The following CPEB1 variants were observed in gnomAD, a reference collection of about 807,000 sequenced individuals.
CPEB1 encodes the protein cytoplasmic polyadenylation element-binding protein 1.
Under a neutral mutation model 65.8 loss-of-function variants are expected in CPEB1, and 7 were observed. That is an observed-to-expected ratio of 0.11 (90% CI 0.06 to 0.20). The LOEUF (loss-of-function observed/expected upper bound fraction) is 0.20. Among genes scored for constraint, CPEB1 ranks in the 10% least tolerant of loss-of-function variants. The probability of loss-of-function intolerance (pLI) is 1.00; values close to 1 mark genes in which losing one functional copy is unlikely to be tolerated. For synonymous variants in CPEB1, 262 were observed against 260.0 expected (o/e 1.01, Z -0.08); for missense variants, 551 against 712.2 (o/e 0.77, Z 2.58).
chr15:82,565,873 G>A (rs780779014), intron 4 of CPEB1, among the ~76,000 whole-genome samples: 14 of 152,204 alleles, frequency 9.2e-5, no homozygotes, highest in Non-Finnish European at 1.9e-4. Flanking sequence ...GCTCTTCCTA[G>A]AACAGACGTA....
intron 3 of CPEB1, among the ~76,000 whole-genome samples, chr15:82,579,244 T>C (rs1349691207): frequency 6.6e-6 from 1 of 152,140 alleles, no homozygotes; most frequent in Non-Finnish European, 1.5e-5. Context: ...GGAAGATCAC[T>C]TGAGCCCAGG....
chr15:82,544,810 A>G, intron 12 of CPEB1, 108 bp from the exon 13 acceptor site: 2 of 801,096 alleles, frequency 2.5e-6, no homozygotes, highest in Non-Finnish European at 4.2e-6. Flanking sequence ...GAGACTCCCG[A>G]TGGCCTCTGT....
At chr15:82,627,388 A>T (rs1452402194) in intron 2 of CPEB1, 21 bp from the exon 3 acceptor site, 1 of 1,585,530 alleles carries the variant, frequency 6.3e-7, no homozygotes, top group African/African-American at 1.4e-5. Context: ...AAAAAAAAAG[A>T]TATTTAGGTT....
intron 3 of CPEB1, among the ~76,000 whole-genome samples, chr15:82,612,495 CAA>C (rs371701761): frequency 1.9e-5 from 1 of 52,044 alleles, no homozygotes; most frequent in African/African-American, 7.7e-5. Flanking sequence ...AGAGTCTGTC[CAA>C]AAAAAAAAAA....
intron 3 of CPEB1, among the ~76,000 whole-genome samples, chr15:82,614,236 C>G (rs2044471494): frequency 6.6e-6 from 1 of 152,152 alleles, no homozygotes; most frequent in South Asian, 2.1e-4. Context: ...AACTCCTGGG[C>G]TCAAGTGACC....
chr15:82,604,480 C>A (rs1351119412), intron 3 of CPEB1, among the ~76,000 whole-genome samples: 1 of 139,948 alleles, frequency 7.1e-6, no homozygotes, highest in Admixed American at 7.4e-5. Flanking sequence ...AGCAAGACTC[C>A]ATCTCAAAAA....
chr15:82,627,686 G>A (rs577455505), intron 2 of CPEB1, among the ~76,000 whole-genome samples: 28 of 152,224 alleles, frequency 1.8e-4, no homozygotes, highest in African/African-American at 6.0e-4. Flanking sequence ...GATTAGGATT[G>A]CCTTTATCTA....
intron 3 of CPEB1, among the ~76,000 whole-genome samples, chr15:82,614,859 GTGTGTGTGTGTGTGTGTGTGTA>G (rs981770964): frequency 1.3e-4 from 14 of 105,122 alleles, no homozygotes; most frequent in Admixed American, 7.6e-4. Context: ...GTGTGTGTGT[GTGTGTGTGTGTGTGTGTGTGTA>G]TATATATATA....
chr15:82,584,706 G>T (rs2041614563), intron 3 of CPEB1, among the ~76,000 whole-genome samples: 2 of 148,384 alleles, frequency 1.3e-5, no homozygotes, highest in Admixed American at 1.4e-4. Flanking sequence ...ATCCCATAAT[G>T]CATCTATCTA....
intron 3 of CPEB1, among the ~76,000 whole-genome samples, chr15:82,601,784 T>G (rs1364477015): frequency 6.9e-6 from 1 of 145,396 alleles, no homozygotes; most frequent in East Asian, 2.0e-4. Flanking sequence ...AGAAATGCAT[T>G]TCATAAGTAT....
chr15:82,606,341 G>A (rs1463468708), intron 3 of CPEB1, among the ~76,000 whole-genome samples: 1 of 151,622 alleles, frequency 6.6e-6, no homozygotes, highest in Admixed American at 6.6e-5. Flanking sequence ...GCATGGTGAT[G>A]GGTACCTGGT....
chr15:82,615,244 G>A (rs1273174771), intron 3 of CPEB1, among the ~76,000 whole-genome samples: 1 of 152,086 alleles, frequency 6.6e-6, no homozygotes, highest in African/African-American at 2.4e-5. Flanking sequence ...GAATGTATAT[G>A]TTTACACCAC....
intron 3 of CPEB1, among the ~76,000 whole-genome samples, chr15:82,579,115 GC>G (rs2040966549): frequency 2.0e-5 from 3 of 152,108 alleles, no homozygotes; most frequent in Non-Finnish European, 1.5e-5. Context: ...GAACCACCAT[GC>G]CCAGCCTTAA....
In CPEB1 at chr15:82,589,012, C is replaced by G. The variant is rs370232077; in HGVS notation, c.272-17480G>C. 3.2e-4 allele frequency among the ~76,000 whole-genome samples: 49 copies of G among 152,332 alleles called. 1 individual carries two copies. In the East Asian group the frequency reaches 8.9e-3, roughly 28 times the overall value. On this transcript the variant is annotated intron_variant, in intron 3 of 12. Transcript: ENST00000684509. ...AAGACAAAATGACTCCTCTCTCCCC[C>G]ATTCCCCGCAATCGTCTTGTTGAAC...
chr15:82,636,846 C>G (rs532294811), intron 1 of CPEB1, among the ~76,000 whole-genome samples: 6 of 152,290 alleles, frequency 3.9e-5, no homozygotes, highest in African/African-American at 9.6e-5. Context: ...ATGGTAGTGA[C>G]TCCTTTCTTA....
chr15:82,643,297 C>A (rs1364255609), intron 1 of CPEB1, among the ~76,000 whole-genome samples: 2 of 152,150 alleles, frequency 1.3e-5, no homozygotes, highest in African/African-American at 4.8e-5. Context: ...GAAAAAAATT[C>A]TTTGGCAAAA....
chr15:82,576,128 TATTCAGCA>T (rs778995889), intron 3 of CPEB1, among the ~76,000 whole-genome samples: 37 of 152,350 alleles, frequency 2.4e-4, no homozygotes, highest in Non-Finnish European at 4.3e-4. Flanking sequence ...ACCATACTAT[TATTCAGCA>T]ATAAAAAGGA....
At chr15:82,616,415 A>C (rs1005457372) in intron 3 of CPEB1, among the ~76,000 whole-genome samples, 1 of 152,232 alleles carries the variant, frequency 6.6e-6, no homozygotes, top group Admixed American at 6.5e-5. Flanking sequence ...GAGTACACTT[A>C]AGTGCAAAAC....
At chr15:82,617,741 T>TG (rs1331960988) in intron 3 of CPEB1, among the ~76,000 whole-genome samples, 3 of 134,822 alleles carry the variant, frequency 2.2e-5, no homozygotes, top group African/African-American at 5.6e-5. Flanking sequence ...TTTTTTTTTT[T>TG]TTTTTTTTTT....
Sources: allele counts gnomAD v4.1 joint callset (sites outside exome capture counted in the v4.1 genomes callset), GRCh38; gene constraint gnomAD v4.1.1; transcripts MANE v1.5; gene names NCBI Gene and HGNC (gene_info 2026-07-23, HGNC 2026-07-21).